Variants in WDR72 observed in about 807,000 individuals in gnomAD.
WDR72 encodes the protein WD repeat domain 72.
WDR72 carries 120 observed loss-of-function variants against 124.2 expected under a neutral mutation model. That is an observed-to-expected ratio of 0.97 (90% confidence interval 0.83 to 1.12). The LOEUF (loss-of-function observed/expected upper bound fraction) is 1.12, where lower values mean the gene tolerates loss of function less well. WDR72 is among the 50% of genes most tolerant of loss of function. The pLI is 0.00. For synonymous variants in WDR72, 452 were observed against 441.7 expected (o/e 1.02, Z -0.29); for missense variants, 1,387 against 1,278.8 (o/e 1.08, Z -1.29).
chr15:53,646,276 T>A (rs1207913284), intron 14 of WDR72, among the ~76,000 whole-genome samples: 4 of 152,162 alleles, frequency 2.6e-5, no homozygotes, highest in Non-Finnish European at 5.9e-5. Flanking sequence ...GCTGGATTGT[T>A]TGAAATTTTT....
At chr15:53,520,195 C>T (rs1417388310) in intron 19 of WDR72, among the ~76,000 whole-genome samples, 2 of 151,992 alleles carry the variant, frequency 1.3e-5, no homozygotes, top group African/African-American at 4.8e-5. Context: ...GTGGAATGAA[C>T]AATATACAAA....
At chr15:53,712,519 TG>T (rs146526405) in intron 7 of WDR72, among the ~76,000 whole-genome samples, 26,843 of 151,554 alleles carry the variant, frequency 0.18, 2,622 homozygotes, top group East Asian at 0.28. Flanking sequence ...TGCTTGAACC[TG>T]GGGGGTGGAG....
intron 14 of WDR72, among the ~76,000 whole-genome samples, chr15:53,654,526 T>C (rs1015544298): frequency 1.3e-5 from 2 of 152,214 alleles, no homozygotes; most frequent in Non-Finnish European, 2.9e-5. Context: ...GAACATTAGA[T>C]GAAGGCAAAA....
Position 53,665,642 on chromosome 15 carries a change from T to C in WDR72, c.1892A>G (p.Gln631Arg), listed in dbSNP as rs767190519. The change falls in exon 14 of 20, where the codon CAG becomes CGG. Residue 631 changes from glutamine (Q) to arginine (R), a missense_variant. Gln to Arg is a conservative substitution (Grantham distance 43). Transcript: ENST00000360509. ...AAGCTGGTAGGGGCTGGAGGATCTC[T>C]GTTCTATACTTTTGTGCTTAAGTGT... ...SETLKHKSIE[Q>R]RSSSPYQLGP... The C allele has an allele frequency of 2.0e-5, 33 of 1,613,964 alleles. 4 individuals are homozygous for C. The highest frequency in any genetic ancestry group is 1.3e-4 in the East Asian group (6 of 44,874).
At chr15:53,570,754 C>G (rs1894494852) in intron 18 of WDR72, among the ~76,000 whole-genome samples, 1 of 151,990 alleles carries the variant, frequency 6.6e-6, no homozygotes, top group South Asian at 2.1e-4. Context: ...GGAAAATAAA[C>G]TGTTGTACCA....
At chr15:53,739,077 A>T (rs2018436790) in intron 1 of WDR72, among the ~76,000 whole-genome samples, 1 of 152,238 alleles carries the variant, frequency 6.6e-6, no homozygotes, top group Non-Finnish European at 1.5e-5. Flanking sequence ...TATATATGAA[A>T]GCACATAGGA....
At chr15:53,732,461 G>A (rs2018229339) in intron 2 of WDR72, among the ~76,000 whole-genome samples, 1 of 152,124 alleles carries the variant, frequency 6.6e-6, no homozygotes, top group South Asian at 2.1e-4. Flanking sequence ...CAAATCCTAG[G>A]TGAGGTCAGG....
chr15:53,759,546 C>A (rs116924654), intron 1 of WDR72, 87 bp downstream of exon 1: 1,563 of 152,516 alleles, frequency 0.01, 21 homozygotes, highest in South Asian at 0.07. Context: ...GGCGGGAAGG[C>A]GTGCGGCTGC....
intron 16 of WDR72, among the ~76,000 whole-genome samples, chr15:53,609,834 G>A (rs1185798663): frequency 9.8e-6 from 1 of 101,564 alleles, no homozygotes; most frequent in African/African-American, 3.0e-5. Flanking sequence ...ATCCATTTGT[G>A]TACATTTATA....
At chr15:53,641,016 T>G (rs1332367944) in intron 14 of WDR72, among the ~76,000 whole-genome samples, 1 of 152,042 alleles carries the variant, frequency 6.6e-6, no homozygotes, top group African/African-American at 2.4e-5. Flanking sequence ...TTTCATTTTT[T>G]TCTGAAATTT....
chr15:53,738,147 T>C (rs1167738983), intron 1 of WDR72, among the ~76,000 whole-genome samples: 1 of 152,118 alleles, frequency 6.6e-6, no homozygotes, highest in Non-Finnish European at 1.5e-5. Context: ...TATGAAAACG[T>C]TGTATAATAA....
At chr15:53,621,430 G>GATATATATATATATATATATATAT (rs57355125) in intron 14 of WDR72, among the ~76,000 whole-genome samples, 71 of 124,322 alleles carry the variant, frequency 5.7e-4, no homozygotes, top group African/African-American at 2.2e-3. Context: ...AAGAAACTGT[G>GATATATATATATATATATATATAT]ATATATATAT....
intron 13 of WDR72, among the ~76,000 whole-genome samples, chr15:53,677,023 C>T (rs1180600070): frequency 6.6e-6 from 1 of 151,448 alleles, no homozygotes; most frequent in Non-Finnish European, 1.5e-5. Flanking sequence ...TGGGTCCACG[C>T]CATTCTCCTG....
chr15:53,700,018 T>C (rs549347498), intron 12 of WDR72, 73 bp from the exon 13 acceptor site: 9 of 1,582,186 alleles, frequency 5.7e-6, no homozygotes, highest in Admixed American at 5.1e-5. Context: ...GATTTTTTTC[T>C]CCCAGTAACA....
At chr15:53,658,340 T>A (rs2015499185) in intron 14 of WDR72, among the ~76,000 whole-genome samples, 1 of 152,184 alleles carries the variant, frequency 6.6e-6, no homozygotes, top group South Asian at 2.1e-4. Context: ...AAAATAGCCC[T>A]GTGTGTAGTT....
intron 17 of WDR72, among the ~76,000 whole-genome samples, chr15:53,597,829 C>T (rs960402072): frequency 5.3e-5 from 8 of 152,048 alleles, no homozygotes; most frequent in African/African-American, 7.2e-5. Context: ...GCTGTGTGTG[C>T]CCAGTCAAGG....
At chr15:53,702,556 C>T (rs1351087605) in intron 11 of WDR72, among the ~76,000 whole-genome samples, 1 of 152,124 alleles carries the variant, frequency 6.6e-6, no homozygotes, top group Non-Finnish European at 1.5e-5. Flanking sequence ...TTTGATGAAG[C>T]ACTACAGTTA....
chr15:53,616,437 CTTCTT>C (rs1327196069), intron 14 of WDR72, among the ~76,000 whole-genome samples, 194 bp from the exon 15 acceptor site: 1 of 151,764 alleles, frequency 6.6e-6, no homozygotes, highest in Admixed American at 6.6e-5. Context: ...TCTTTGAAGA[CTTCTT>C]TTCTTTTTTC....
chr15:53,676,906 T>C (rs1368022031), intron 13 of WDR72, among the ~76,000 whole-genome samples: 1 of 151,340 alleles, frequency 6.6e-6, no homozygotes, highest in East Asian at 1.9e-4. Context: ...CTTTACTATT[T>C]TATACGTGAA....
Sources: allele counts gnomAD v4.1 joint callset (sites outside exome capture counted in the v4.1 genomes callset), GRCh38; gene constraint gnomAD v4.1.1; transcripts MANE v1.5; gene names NCBI Gene and HGNC (gene_info 2026-07-23, HGNC 2026-07-21).